The following SHC1 variants were observed in gnomAD, a reference collection of about 807,000 sequenced individuals.
SHC1 encodes SHC adaptor protein 1, also known as SHC-transforming protein 1.
Under a neutral mutation model 55.9 loss-of-function variants are expected in SHC1, and 30 were observed. The ratio of observed to expected loss-of-function variants is 0.54; its 90% CI spans 0.40 to 0.73. SHC1 has a LOEUF of 0.73. Among genes scored for constraint, SHC1 ranks in the 30% least tolerant of loss-of-function variants. The probability of loss-of-function intolerance (pLI) is 0.00; values close to 1 mark genes in which losing one functional copy is unlikely to be tolerated. For synonymous variants in SHC1, 309 were observed against 306.1 expected, an observed-to-expected ratio of 1.01 and a Z score of -0.10; for missense variants, 675 against 777.1, an observed-to-expected ratio of 0.87 and a Z score of 1.56.
In SHC1 at chr1:154,963,788, G is replaced by C. The variant is rs758101321; in HGVS notation, c.*15C>G. 2 of 1,612,782 alleles carry C rather than the reference G, an allele frequency of 1.2e-6. No homozygotes were observed. The highest frequency in any genetic ancestry group is 1.7e-6 in the Non-Finnish European group (2 of 1,179,570). On this transcript the variant is annotated 3_prime_UTR_variant, in exon 12 of 12. Transcript: ENST00000448116. ...GGATTGGAGGGCATCTTCTGGAAGA[G>C]AGCGCTAGGGCAGATCACAGTTTCC...
At chr1:154,972,819 G>T (rs1039604542), upstream of SHC1, among the ~76,000 whole-genome samples, 1 of 152,058 alleles carries the variant, frequency 6.6e-6, no homozygotes, top group Non-Finnish European at 1.5e-5. Context: ...TTCCAGCAGG[G>T]AAGGCTGGGC....
upstream of SHC1, among the ~76,000 whole-genome samples, chr1:154,972,012 C>T (rs1656796628): frequency 6.6e-6 from 1 of 151,856 alleles, no homozygotes; most frequent in South Asian, 2.1e-4. Context: ...CTTTGGGAGG[C>T]TGAGGCGGGT....
chr1:154,969,454 G>C lies in SHC1; in HGVS notation c.496-6C>G. On this transcript the variant is annotated splice_polypyrimidine_tract_variant and splice_region_variant and intron_variant, in intron 1 of 11. Transcript: ENST00000448116. ...ACCTCCACACAACCCATGTACTAAGGGGAGGGAGAAGAGGACAGCAGGTCA... is the reference window on the plus strand; with the variant it reads ...ACCTCCACACAACCCATGTACTAAGCGGAGGGAGAAGAGGACAGCAGGTCA... 1 of 1,607,506 alleles carries C rather than the reference G, an allele frequency of 6.2e-7. No individual in the cohort carries two copies. The highest frequency in any genetic ancestry group is 8.5e-7 in the Non-Finnish European group (1 of 1,175,190).
In SHC1 at chr1:154,970,487, G is replaced by C; in HGVS notation, c.40C>G (p.Arg14Gly). 1 of 1,612,034 alleles carries C rather than the reference G, an allele frequency of 6.2e-7. No homozygotes were observed. The highest frequency in any genetic ancestry group is 2.2e-5 in the East Asian group (1 of 44,862). Residue 14 changes from arginine (R) to glycine (G), a missense_variant, in exon 1 of 12, where the codon CGG (arginine) becomes GGG (glycine). Coordinates refer to ENST00000448116, the MANE Select transcript of SHC1 (RefSeq NM_001130040.2). The surrounding 1 kb of genome is among the most constrained non-coding windows in gnomAD (Gnocchi z 5.5). ...LPPKPKYNPL[R>G]NESLSSLEEG... ...TCCAGCGATGACAGAGACTCATTCC[G>C]GAGTGGATTGTACTTGGGCTTGGGG... is the stretch of plus-strand genomic sequence containing the variant.
chr1:154,968,897 G>T, intron 2 of SHC1, 63 bp from the exon 3 acceptor site: 1 of 1,468,916 alleles, frequency 6.8e-7, no homozygotes, highest in Non-Finnish European at 9.5e-7. Context: ...AACTGGGGCT[G>T]CCACAGGGCT....
At position 154,966,420 on chromosome 1, in the gene SHC1, C is replaced by A. The variant is rs762287963; in HGVS notation, c.1081G>T (p.Gly361Trp). ...NDFPGKEPPL[G>W]GVVDMRLREG... is the part of the protein sequence containing the mutation. ...CGAAGCCTCATGTCTACCACCCCCC[C>A]CAAGGGGGGTTCCTTCCCCGGGAAG... The change falls in exon 8 of 12, where the codon GGG becomes TGG. Residue 361 changes from glycine to tryptophan, a missense_variant. By Grantham distance (184) the Gly-to-Trp change is radical. Coordinates refer to ENST00000448116, the MANE Select transcript of SHC1 (RefSeq NM_001130040.2). 2.5e-5 allele frequency: 40 copies of A among 1,613,404 alleles called. No homozygotes were observed. Among genetic ancestry groups the A allele is most frequent in the South Asian group, 5.5e-5 (5 of 91,012 alleles).
At chr1:154,969,116 C>T (rs1003158683) in intron 2 of SHC1, among the ~76,000 whole-genome samples, 3 of 152,178 alleles carry the variant, frequency 2.0e-5, no homozygotes, top group African/African-American at 4.8e-5. Flanking sequence ...CCATCTACCC[C>T]CCTTTTCTAC....
chr1:154,965,602 G>A lies in SHC1; in HGVS notation c.1567C>T (p.Leu523Phe). ...ESTTTPGQYVLTGLQSGQPKH... is the reference protein window; with the variant it reads ...ESTTTPGQYVFTGLQSGQPKH... ...GGCTGCCCACTCTGCAAGCCAGTGA[G>A]CACATACTGGCCAGGTGTGGTCGTG... Residue 523 changes from leucine to phenylalanine, a missense_variant, in exon 11 of 12, where the codon CTC (leucine) becomes TTC (phenylalanine). Leu to Phe is a conservative substitution (Grantham distance 22, BLOSUM62 0). Coordinates refer to ENST00000448116, the MANE Select transcript of SHC1 (RefSeq NM_001130040.2). The A allele has an allele frequency of 5.0e-6, 8 of 1,614,154 alleles. No individual in the cohort carries two copies. Among genetic ancestry groups the A allele is most frequent in the Non-Finnish European group, 6.8e-6 (8 of 1,180,030 alleles).
In SHC1 at chr1:154,965,801, G is replaced by A. The variant is rs562810257; in HGVS notation, c.1388-20C>T. On this transcript the variant is annotated intron_variant, in intron 10 of 11. Transcript: ENST00000448116. ...AGGGCTCTGGAAGTATAGAGGGAGG[G>A]TGAGGGGAAGTAGCAGGCACAACAC... is the stretch of plus-strand genomic sequence containing the variant. The A allele has an allele frequency of 8.1e-6, 13 of 1,599,924 alleles. No homozygotes were observed. Among genetic ancestry groups the A allele is most frequent in the Admixed American group, 1.7e-5 (1 of 59,640 alleles).
In SHC1 at chr1:154,965,976, C is replaced by T. The variant is rs1456182923; in HGVS notation, c.1357G>A (p.Gly453Ser). ...GAGPPNPAINGSAPRDLFDMK... is the reference protein window; with the variant it reads ...GAGPPNPAINSSAPRDLFDMK... ...TCAAACAGGTCCCGGGGTGCACTGCCATTGATAGCAGGATTGGGGGGCCCA... is the reference window on the plus strand; with the variant it reads ...TCAAACAGGTCCCGGGGTGCACTGCTATTGATAGCAGGATTGGGGGGCCCA... The change falls in exon 10 of 12, where the codon GGC becomes AGC. Residue 453 changes from glycine (G) to serine (S), a missense_variant. Around this residue, in one of 3 missense-constraint regions of SHC1, gnomAD observed 360 missense variants for 371.1 expected, o/e 0.97. Coordinates refer to ENST00000448116, the MANE Select transcript of SHC1 (RefSeq NM_001130040.2). The T allele has an allele frequency of 1.2e-5, 20 of 1,613,696 alleles. No homozygotes were observed. The highest frequency in any genetic ancestry group is 1.6e-5 in the Non-Finnish European group (19 of 1,179,858).
At chr1:154,972,109 G>A (rs112442760), upstream of SHC1, among the ~76,000 whole-genome samples, 11 of 151,908 alleles carry the variant, frequency 7.2e-5, no homozygotes, top group Admixed American at 6.6e-5. Flanking sequence ...TTAGCTGGGC[G>A]TGGTGGCGGG....
chr1:154,964,870 C>G (rs1166938477), intron 11 of SHC1, among the ~76,000 whole-genome samples: 2 of 152,216 alleles, frequency 1.3e-5, no homozygotes, highest in African/African-American at 4.8e-5. Context: ...GATCTTCTTA[C>G]AAAAGGAAAC....
upstream of SHC1, chr1:154,973,624 G>T (rs1249272324): frequency 6.6e-6 from 1 of 151,866 alleles, no homozygotes; most frequent in Non-Finnish European, 1.5e-5. Context: ...GGGGGAGCAC[G>T]AGAGTGCTCG....
Position 154,970,039 on chromosome 1 carries a change from A to C in SHC1, c.488T>G (p.Leu163Trp). 6.2e-7 allele frequency: 1 copy of C among 1,613,914 alleles called. No individual in the cohort carries two copies. ...AGGAGGATGTTCACTCACCCGAACC[A>C]AGTAGGAAACCCCGGGTCCCATGAC... is the stretch of plus-strand genomic sequence containing the variant. ...DKVMGPGVSYLVRYMGCVEVL... is the reference protein window; with the variant it reads ...DKVMGPGVSYWVRYMGCVEVL... The change falls in exon 1 of 12, where the codon TTG becomes TGG. Residue 163 changes from leucine to tryptophan, a missense_variant. Transcript: ENST00000448116. The surrounding 1 kb of genome is among the most constrained non-coding windows in gnomAD (Gnocchi z 5.5).
chr1:154,968,757 A>G lies in SHC1; in HGVS notation c.630+14T>C. 1.2e-6 allele frequency: 2 copies of G among 1,613,140 alleles called. No individual in the cohort carries two copies. Among genetic ancestry groups the G allele is most frequent in the South Asian group, 1.1e-5 (1 of 91,052 alleles). ...TTTCCCAGCAGCATCCCTATCCCCA[A>G]GGACCCCAAGTACCTTTCTCCTCCT... On this transcript the variant is annotated intron_variant, in intron 3 of 11. Transcript: ENST00000448116.
upstream of SHC1, among the ~76,000 whole-genome samples, chr1:154,972,318 TATAG>T (rs754354791): frequency 3.9e-5 from 6 of 152,026 alleles, no homozygotes; most frequent in Non-Finnish European, 7.4e-5. Flanking sequence ...AGAATTAAAA[TATAG>T]ATAGATAATT....
At position 154,970,478 on chromosome 1, in the gene SHC1, ACT is replaced by A. The variant is rs1491174614; in HGVS notation, c.47_48del (p.Glu16ValfsTer38). ...PKPKYNPLRNESLSSLEEGAS... is the reference protein window; with the variant it reads ...PKPKYNPLRNXSLSSLEEGAS... ...GCCCCTTCCTCCAGCGATGACAGAG[ACT>A]CATTCCGGAGTGGATTGTACTTGGG... is the stretch of plus-strand genomic sequence containing the variant. On this transcript the variant is annotated frameshift_variant, in exon 1 of 12. Transcript: ENST00000448116. LOFTEE classifies it high-confidence loss of function. The surrounding 1 kb of genome is among the most constrained non-coding windows in gnomAD (Gnocchi z 5.5). 1 of 1,611,722 alleles carries A rather than the reference ACT, an allele frequency of 6.2e-7. No individual in the cohort carries two copies. The highest frequency in any genetic ancestry group is 1.3e-5 in the African/African-American group (1 of 74,890).
At chr1:154,965,018 G>A (rs1197840984) in intron 11 of SHC1, among the ~76,000 whole-genome samples, 1 of 152,074 alleles carries the variant, frequency 6.6e-6, no homozygotes, top group Non-Finnish European at 1.5e-5. Context: ...GGGATTTGAG[G>A]ACGGGCCAGG....
At position 154,962,499 on chromosome 1, in the gene SHC1, C is replaced by G. The variant is rs1332132835; in HGVS notation, c.*1304G>C. 1 of 152,558 alleles carries G rather than the reference C, an allele frequency of 6.6e-6. No individual in the cohort carries two copies. The highest frequency in any genetic ancestry group is 1.5e-5 in the Non-Finnish European group (1 of 68,042). 9.5% of individuals were successfully genotyped at this position (152,558 alleles called of 1,614,324 possible). A position where few individuals can be genotyped will look rare whatever the true frequency, so the allele number is the denominator to read the frequency against. ...CGGGCCTGTAGAAGGTACTCAGGAA[C>G]TGCAGGTTTTGCGTTTCCCCTCCAT... On this transcript the variant is annotated 3_prime_UTR_variant, in exon 12 of 12. Transcript: ENST00000448116.
Sources: gnomAD v4.1 joint callset for allele counts (sites outside exome capture counted in the v4.1 genomes callset) on GRCh38, gnomAD v4.1.1 for gene constraint, gnomAD v4.1.1 regional missense constraint, Gnocchi (gnomAD v3.1) non-coding constraint, MANE v1.5 for transcripts, NCBI Gene and HGNC (gene_info 2026-07-23, HGNC 2026-07-21) for gene names.